HERC1: variants seen among roughly 807,000 people sequenced by gnomAD.
HERC1 encodes probable E3 ubiquitin-protein ligase HERC1.
Under a neutral mutation model 554.3 loss-of-function variants are expected in HERC1, and 160 were observed. The observed-to-expected ratio is 0.29, with a 90% CI of 0.25 to 0.33. The LOEUF (loss-of-function observed/expected upper bound fraction) is 0.33, where lower values mean the gene tolerates loss of function less well. Ranked by LOEUF, HERC1 falls within the 10% of genes least tolerant of loss-of-function variation. The pLI, the probability that HERC1 is intolerant of heterozygous loss-of-function variation, is 1.00. For missense variants in HERC1, 4,919 were observed against 5,918.5 expected, an observed-to-expected ratio of 0.83 and a Z score of 5.54; for synonymous variants, 2,175 against 2,131.7, an observed-to-expected ratio of 1.02 and a Z score of -0.56.
Position 63,754,614 on chromosome 15 carries a change from T to A in HERC1, c.1665A>T (p.Thr555=). ...HGDSNSRNIP[T]LVKDISNVGE... ...CTACATTGCTGATGTCTTTTACTAA[T>A]GTTGGAATGTTACGACTATTGCTGT... The change falls in exon 7 of 78, where the codon ACA becomes ACT. Residue 555 remains threonine (T), a synonymous_variant. Transcript: ENST00000443617. 3.1e-6 allele frequency: 5 copies of A among 1,613,672 alleles called. No individual in the cohort carries two copies. The highest frequency in any genetic ancestry group is 4.2e-6 in the Non-Finnish European group (5 of 1,179,704).
At chr15:63,699,492 G>A (rs1213363395) in intron 25 of HERC1, among the ~76,000 whole-genome samples, 1 of 152,126 alleles carries the variant, frequency 6.6e-6, no homozygotes, top group Non-Finnish European at 1.5e-5. Context: ...ACCAAAAAAT[G>A]AATATAGAAG....
In HERC1 at chr15:63,824,260, G is replaced by A. The variant is rs559356812; in HGVS notation, c.-27+9567C>T. On this transcript the variant is annotated intron_variant, in intron 1 of 77. Transcript: ENST00000443617. ...CTCAAAAAATTAAAAAGGGCTGGGC[G>A]CAGTTGCTCACGCCTATAATCCCAG... 1.2e-3 allele frequency among the ~76,000 whole-genome samples: 185 copies of A among 152,222 alleles called. 1 individual carries two copies. Among genetic ancestry groups the A allele is most frequent in the African/African-American group, 4.3e-3 (180 of 41,530 alleles).
chr15:63,636,271 TAG>T, intron 64 of HERC1, 129 bp from the exon 65 acceptor site: 4 of 767,146 alleles, frequency 5.2e-6, no homozygotes, highest in Non-Finnish European at 5.9e-6. Flanking sequence ...ATAATTTCAT[TAG>T]TTTTTTTTTT....
At position 63,718,595 on chromosome 15, in the gene HERC1, C is replaced by T. The variant is rs370807057; in HGVS notation, c.3957G>A (p.Arg1319=). 2.0e-5 allele frequency: 32 copies of T among 1,583,660 alleles called. No homozygotes were observed. In the African/African-American group the frequency reaches 4.2e-4, roughly 21 times the overall value. ...TTACCCATCTGTCCCGTGATGATGA[C>T]CTTGTTTGAATAAGTTCAAGGTTCT... ...ACKNLELIQT[R]SSSRDRWISE... Residue 1319 remains arginine (R), a synonymous_variant, in exon 21 of 78, where the codon AGG becomes AGA. Transcript: ENST00000443617. The surrounding 1 kb of genome is among the most constrained non-coding windows in gnomAD (Gnocchi z 4.2).
At chr15:63,613,676 A>AT (rs1243241541) in intron 76 of HERC1, among the ~76,000 whole-genome samples, 1 of 148,656 alleles carries the variant, frequency 6.7e-6, no homozygotes, top group African/African-American at 2.4e-5. Context: ...TTATATATAT[A>AT]AAAAAAAACT....
rs116238605 is a variant in HERC1, at chr15:63,611,953, C to A, written c.14400+298G>T. ...TAATCCCAGCACTTTGGGAGGCCAA[C>A]GTGACCAGATCACCTGAGGTCAGTA... On this transcript the variant is annotated intron_variant, in intron 77 of 77. Coordinates refer to ENST00000443617, the MANE Select transcript of HERC1 (RefSeq NM_003922.4). Among the ~76,000 whole-genome samples, 350 of 152,276 alleles carry A rather than the reference C, an allele frequency of 2.3e-3. 2 individuals are homozygous for A. The highest frequency in any genetic ancestry group is 7.8e-3 in the African/African-American group (324 of 41,560).
chr15:63,833,793 G>GCACACAC (rs1567176634), intron 1 of HERC1, 34 bp downstream of exon 1: 1 of 146,234 alleles, frequency 6.8e-6, no homozygotes, highest in Admixed American at 6.8e-5. Flanking sequence ...ACACACACAG[G>GCACACAC]ACCAGGAGGA....
At chr15:63,755,941 C>A (rs1008130289) in intron 5 of HERC1, among the ~76,000 whole-genome samples, 2 of 152,154 alleles carry the variant, frequency 1.3e-5, no homozygotes, top group African/African-American at 4.8e-5. Flanking sequence ...TAAGATGCCA[C>A]CTCTCCTAAG....
At chr15:63,744,154 G>GTGTGTGTGTGTGTGTGTGTC (rs1567077976) in intron 12 of HERC1, among the ~76,000 whole-genome samples, 10 of 42,136 alleles carry the variant, frequency 2.4e-4, no homozygotes, top group Non-Finnish European at 5.2e-4. Context: ...GTGTGTGTGT[G>GTGTGTGTGTGTGTGTGTGTC]TGTGTGTGTG....
At chr15:63,800,429 T>C (rs2076942840) in intron 1 of HERC1, among the ~76,000 whole-genome samples, 1 of 152,224 alleles carries the variant, frequency 6.6e-6, no homozygotes, top group Admixed American at 6.5e-5. Context: ...GTTCTCTTTA[T>C]TTAGAGCCTG....
intron 1 of HERC1, among the ~76,000 whole-genome samples, chr15:63,796,277 T>C (rs548581273): frequency 1.5e-4 from 23 of 152,370 alleles, no homozygotes; most frequent in Middle Eastern, 3.4e-3. Context: ...TTCCAACAGT[T>C]ACATCTTCTG....
intron 25 of HERC1, among the ~76,000 whole-genome samples, chr15:63,699,956 T>C (rs775223916): frequency 6.6e-6 from 1 of 152,166 alleles, no homozygotes; most frequent in East Asian, 1.9e-4. Context: ...GGTCCATGCA[T>C]GGCCCAATTT....
intron 12 of HERC1, among the ~76,000 whole-genome samples, chr15:63,744,820 C>T (rs2074996682): frequency 6.6e-6 from 1 of 152,090 alleles, no homozygotes; most frequent in East Asian, 1.9e-4. Flanking sequence ...ATCAGGGATC[C>T]CAAGAGTGTA....
At chr15:63,682,578 T>C (rs866394164) in intron 34 of HERC1, among the ~76,000 whole-genome samples, 2 of 152,092 alleles carry the variant, frequency 1.3e-5, no homozygotes, top group Admixed American at 6.6e-5. Context: ...TGAGACTACC[T>C]TGGGCAAGAA....
intron 33 of HERC1, among the ~76,000 whole-genome samples, chr15:63,688,868 T>C (rs1315730375): frequency 6.6e-6 from 1 of 151,544 alleles, no homozygotes; most frequent in Non-Finnish European, 1.5e-5. Context: ...CAATCAGAAA[T>C]GGGACAAAAA....
In HERC1 at chr15:63,623,710, A is replaced by G. The variant is rs768594605; in HGVS notation, c.13611+15T>C. On this transcript the variant is annotated intron_variant, in intron 73 of 77. Transcript: ENST00000443617. ...CAGACTAGATAACTCAGCAGGGGAC[A>G]CTGCAGGAATATACCTGGCACATCT... The G allele has an allele frequency of 1.2e-6, 2 of 1,612,212 alleles. No homozygotes were observed. Among genetic ancestry groups the G allele is most frequent in the South Asian group, 1.1e-5 (1 of 91,028 alleles).
intron 26 of HERC1, 62 bp downstream of exon 26, chr15:63,698,666 C>A (rs1165968579): frequency 6.7e-7 from 1 of 1,492,600 alleles, no homozygotes; most frequent in African/African-American, 1.4e-5. Flanking sequence ...TAGAACTATA[C>A]ATTCAATGGT....
Position 63,637,639 on chromosome 15 carries a change from A to T in HERC1, c.12098T>A (p.Ile4033Asn), listed in dbSNP as rs1396313177. The T allele has an allele frequency of 2.6e-6, 4 of 1,547,352 alleles. No homozygotes were observed. In the African/African-American group the frequency reaches 4.1e-5, roughly 16 times the overall value. ...APSFSQAQQV[I>N]CGQNCTFVIQ... The stretch of plus-strand genomic sequence containing the variant: ...GACAAAGGTACAATTCTGACCACAA[A>T]TGACCTAGTATAAAAACACAGAATT... Residue 4033 changes from isoleucine (I) to asparagine (N), a missense_variant, in exon 64 of 78, where the codon ATT (isoleucine) becomes AAT (asparagine). Ile to Asn is a moderately radical substitution (Grantham distance 149). Coordinates refer to ENST00000443617, the MANE Select transcript of HERC1 (RefSeq NM_003922.4).
At chr15:63,670,636 T>C (rs2070863144) in intron 39 of HERC1, among the ~76,000 whole-genome samples, 1 of 152,132 alleles carries the variant, frequency 6.6e-6, no homozygotes, top group Non-Finnish European at 1.5e-5. Flanking sequence ...GGGGGCATGA[T>C]TCTACCACTG....
Sources: gnomAD v4.1 joint callset for allele counts (sites outside exome capture counted in the v4.1 genomes callset) on GRCh38, gnomAD v4.1.1 for gene constraint, Gnocchi (gnomAD v3.1) non-coding constraint, MANE v1.5 for transcripts, NCBI Gene and HGNC (gene_info 2026-07-23, HGNC 2026-07-21) for gene names.